The following TBXAS1 variants were observed in gnomAD, a reference collection of about 807,000 sequenced individuals.
The protein encoded by TBXAS1 is thromboxane A synthase 1.
In TBXAS1, 48 loss-of-function variants were observed where a neutral mutation model predicts 60.7. The observed-to-expected ratio is 0.79, with a 90% CI of 0.63 to 1.01. TBXAS1 has a LOEUF of 1.01. TBXAS1 is among the 50% of genes least tolerant of loss of function. The pLI, the probability that TBXAS1 is intolerant of heterozygous loss-of-function variation, is 0.00. For synonymous variants in TBXAS1, 287 were observed against 269.7 expected (o/e 1.06, Z -0.63); for missense variants, 685 against 686.3 (o/e 1.00, Z 0.02).
chr7:139,850,326 G>A (rs933740479), intron 1 of TBXAS1, among the ~76,000 whole-genome samples: 1 of 152,190 alleles, frequency 6.6e-6, no homozygotes, highest in African/African-American at 2.4e-5. Flanking sequence ...ATATAGACTA[G>A]TTAGTGTAAT....
At chr7:139,844,150 C>T (rs1453602156) in intron 1 of TBXAS1, among the ~76,000 whole-genome samples, 1 of 152,086 alleles carries the variant, frequency 6.6e-6, no homozygotes, top group Non-Finnish European at 1.5e-5. Context: ...ACTTAGAATA[C>T]GTGGTACATG....
chr7:139,930,160 C>T (rs1035237793), intron 4 of TBXAS1, among the ~76,000 whole-genome samples: 3 of 152,192 alleles, frequency 2.0e-5, no homozygotes, highest in African/African-American at 4.8e-5. Flanking sequence ...TCCTTCAAGG[C>T]TTTGCACTAA....
At chr7:139,917,256 C>T (rs560246707) in intron 4 of TBXAS1, among the ~76,000 whole-genome samples, 8 of 152,136 alleles carry the variant, frequency 5.3e-5, no homozygotes, top group Admixed American at 1.3e-4. Flanking sequence ...TGCCTGCCCC[C>T]GTCTCTATTT....
At chr7:140,014,591 G>GAC (rs908701978) in intron 10 of TBXAS1, among the ~76,000 whole-genome samples, 4 of 152,002 alleles carry the variant, frequency 2.6e-5, no homozygotes, top group South Asian at 2.1e-4. Context: ...GAGAGAGACA[G>GAC]ACACACACAC....
Position 139,911,252 on chromosome 7 carries a change from T to A in TBXAS1, c.264T>A (p.Ile88=), listed in dbSNP as rs1205121419. Residue 88 remains isoleucine, a synonymous_variant, in exon 4 of 13, where the codon ATT becomes ATA. Coordinates refer to ENST00000448866, the MANE Select transcript of TBXAS1 (RefSeq NM_001061.7). ...CGYYLGRRMF[I]VISEPDMIKQ... ...ACTATCTTGGTCGTCGGATGTTTATTGTTATTTCTGAGCCAGACATGATCA... is the reference window on the plus strand; with the variant it reads ...ACTATCTTGGTCGTCGGATGTTTATAGTTATTTCTGAGCCAGACATGATCA... 3.7e-6 allele frequency: 6 copies of A among 1,614,100 alleles called. No individual in the cohort carries two copies. The Admixed American group carries it at 1.0e-4, about 27-fold the overall frequency.
chr7:140,011,342 AG>A (rs1814600557), intron 10 of TBXAS1, among the ~76,000 whole-genome samples: 1 of 10,792 alleles, frequency 9.3e-5, no homozygotes, highest in Non-Finnish European at 1.8e-4. Flanking sequence ...TAAAAAAAAA[AG>A]AAAAAAAAGG....
At chr7:139,856,838 G>T (rs1392972468) in intron 1 of TBXAS1, among the ~76,000 whole-genome samples, 9 of 152,134 alleles carry the variant, frequency 5.9e-5, no homozygotes, top group Non-Finnish European at 2.9e-5. Flanking sequence ...AAAAGAAAGG[G>T]GCAGCATCAG....
intron 4 of TBXAS1, among the ~76,000 whole-genome samples, chr7:139,801,492 G>A (rs757352722): frequency 1.3e-5 from 2 of 150,226 alleles, no homozygotes; most frequent in Non-Finnish European, 3.0e-5. Flanking sequence ...TTTTTGTGAG[G>A]CAGGTTCTTG....
intron 9 of TBXAS1, among the ~76,000 whole-genome samples, chr7:139,986,531 C>G (rs979590456): frequency 2.0e-5 from 3 of 151,266 alleles, no homozygotes; most frequent in Non-Finnish European, 2.9e-5. Context: ...ACCTCTCCCC[C>G]CAAGTTTCCA....
At chr7:139,900,297 GC>G (rs1468593924) in intron 3 of TBXAS1, among the ~76,000 whole-genome samples, 1 of 152,120 alleles carries the variant, frequency 6.6e-6, no homozygotes, top group African/African-American at 2.4e-5. Context: ...TTCAGCCATG[GC>G]CCAGAGAGTT....
upstream of TBXAS1, among the ~76,000 whole-genome samples, chr7:139,825,680 C>T (rs1218792569): frequency 2.6e-5 from 4 of 152,180 alleles, no homozygotes; most frequent in Admixed American, 2.0e-4. Flanking sequence ...AGAAGGGCTT[C>T]GGAGACCTAG....
At chr7:140,002,545 T>G (rs886331234) in intron 9 of TBXAS1, among the ~76,000 whole-genome samples, 2 of 152,220 alleles carry the variant, frequency 1.3e-5, no homozygotes, top group Non-Finnish European at 2.9e-5. Flanking sequence ...CAGCAACTGC[T>G]GGGTGGACCA....
chr7:139,862,111 A>G (rs1801014011), intron 1 of TBXAS1, among the ~76,000 whole-genome samples: 1 of 152,238 alleles, frequency 6.6e-6, no homozygotes, highest in Non-Finnish European at 1.5e-5. Context: ...AATCAGATTT[A>G]GATTAACTGT....
intron 9 of TBXAS1, among the ~76,000 whole-genome samples, chr7:139,998,902 T>A (rs1028706859): frequency 2.0e-5 from 3 of 152,262 alleles, no homozygotes; most frequent in African/African-American, 7.2e-5. Flanking sequence ...TGTGTTTTTA[T>A]GAGACGGGTT....
Position 139,782,124 on chromosome 7 carries a change from G to A in TBXAS1, c.-232-542G>A, listed in dbSNP as rs187076348. On this transcript the variant is annotated intron_variant, in intron 2 of 16. Transcript: ENST00000336425. ...GCTGTCCCATTTGGCTAGAGATAGT[G>A]TGCATTGTATTTTATTTATTTAATA... Among the ~76,000 whole-genome samples the A allele has an allele frequency of 1.9e-3, 282 of 151,886 alleles. 2 individuals are homozygous for A. Among genetic ancestry groups the A allele is most frequent in the African/African-American group, 6.5e-3 (268 of 41,426 alleles).
chr7:139,966,397 T>C (rs41721), intron 9 of TBXAS1, among the ~76,000 whole-genome samples: 119,372 of 152,018 alleles, frequency 0.79, 47,269 homozygotes, highest in East Asian at 0.88. Flanking sequence ...CTGACCCCTA[T>C]AACTGAAAAC....
In TBXAS1 at chr7:139,976,433, A is replaced by G. The variant is rs906368083; in HGVS notation, c.1134+14200A>G. On this transcript the variant is annotated intron_variant, in intron 9 of 12. Coordinates refer to ENST00000448866, the MANE Select transcript of TBXAS1 (RefSeq NM_001061.7). Reference sequence around the variant, plus strand: ...CCTCACCAAATTCCCAGATTCTCTGACTGAAGCAAGCCAGTCCTTGGTTTG... The same window carrying G: ...CCTCACCAAATTCCCAGATTCTCTGGCTGAAGCAAGCCAGTCCTTGGTTTG... Among the ~76,000 whole-genome samples the G allele has an allele frequency of 2.0e-5, 3 of 152,336 alleles. No individual in the cohort carries two copies. In the South Asian group the frequency reaches 6.2e-4, roughly 32 times the overall value.
intron 10 of TBXAS1, among the ~76,000 whole-genome samples, chr7:140,012,121 G>A (rs952594165): frequency 1.3e-5 from 2 of 152,180 alleles, no homozygotes; most frequent in South Asian, 2.1e-4. Flanking sequence ...ACTTTGCTAC[G>A]TTGGGAGGGT....
chr7:139,798,272 A>T (rs141567593), intron 4 of TBXAS1, among the ~76,000 whole-genome samples: 22 of 152,240 alleles, frequency 1.4e-4, no homozygotes, highest in African/African-American at 5.1e-4. Flanking sequence ...AAAACACGAA[A>T]GGGTAGGAAG....
Sources: allele counts gnomAD v4.1 joint callset (sites outside exome capture counted in the v4.1 genomes callset), GRCh38; gene constraint gnomAD v4.1.1; transcripts MANE v1.5; gene names NCBI Gene and HGNC (gene_info 2026-07-23, HGNC 2026-07-21).